CDC73: variants seen among roughly 807,000 people sequenced by gnomAD.
The protein encoded by CDC73 is cell division cycle 73, also known as parafibromin.
In CDC73, 21 loss-of-function variants were observed where a neutral mutation model predicts 83.7. The ratio of observed to expected loss-of-function variants is 0.25; its 90% CI spans 0.18 to 0.36. CDC73 has a LOEUF of 0.36. Among genes scored for constraint, CDC73 ranks in the 10% least tolerant of loss-of-function variants. CDC73 has a pLI of 1.00. For missense variants in CDC73, 342 were observed against 653.3 expected (o/e 0.52, Z 5.19); for synonymous variants, 224 against 212.9 (o/e 1.05, Z -0.45).
In CDC73 at chr1:193,158,310, T is replaced by A. The variant is rs557815613; in HGVS notation, c.972+5866T>A. Among the ~76,000 whole-genome samples, 10 of 152,182 alleles carry A rather than the reference T, an allele frequency of 6.6e-5. No individual in the cohort carries two copies. In the East Asian group the frequency reaches 1.7e-3, roughly 26 times the overall value. On this transcript the variant is annotated intron_variant, in intron 10 of 16. Coordinates refer to ENST00000367435, the MANE Select transcript of CDC73 (RefSeq NM_024529.5). Reference sequence around the variant, plus strand: ...GAGGGTAATAACTAGGTTGGCCTTTTCCATCCATCTGTTAGGACTCATACT... The same window carrying A: ...GAGGGTAATAACTAGGTTGGCCTTTACCATCCATCTGTTAGGACTCATACT...
chr1:193,189,330 A>G (rs557919896), intron 10 of CDC73, among the ~76,000 whole-genome samples: 6 of 152,226 alleles, frequency 3.9e-5, no homozygotes, highest in Admixed American at 6.5e-5. Flanking sequence ...GATGTGAGAT[A>G]AAAGTTCCTT....
intron 13 of CDC73, among the ~76,000 whole-genome samples, chr1:193,214,721 A>G (rs552855307): frequency 5.9e-5 from 9 of 152,322 alleles, no homozygotes; most frequent in African/African-American, 1.9e-4. Flanking sequence ...TCCTCAGAAA[A>G]TAAGAAAAAA....
At chr1:193,215,236 GTATA>G (rs1396436097) in intron 13 of CDC73, among the ~76,000 whole-genome samples, 3 of 152,282 alleles carry the variant, frequency 2.0e-5, no homozygotes, top group Admixed American at 2.0e-4. Context: ...TAGTGAGAAT[GTATA>G]TAATAGTGAT....
At chr1:193,156,188 G>A (rs1163644159) in intron 10 of CDC73, among the ~76,000 whole-genome samples, 1 of 152,164 alleles carries the variant, frequency 6.6e-6, no homozygotes, top group Non-Finnish European at 1.5e-5. Flanking sequence ...ATAATCAGAT[G>A]GTGATCACAG....
chr1:193,167,647 C>A (rs1318383666), intron 10 of CDC73, among the ~76,000 whole-genome samples: 1 of 152,130 alleles, frequency 6.6e-6, no homozygotes, highest in African/African-American at 2.4e-5. Flanking sequence ...ATTTGCTTCA[C>A]AGCCTAATTT....
intron 10 of CDC73, among the ~76,000 whole-genome samples, chr1:193,155,642 T>G (rs1181476994): frequency 6.6e-6 from 1 of 152,056 alleles, no homozygotes; most frequent in African/African-American, 2.4e-5. Context: ...CAGGATGTGA[T>G]GACGTGTGCA....
intron 2 of CDC73, among the ~76,000 whole-genome samples, chr1:193,129,803 G>A (rs541752109): frequency 4.6e-5 from 7 of 152,172 alleles, no homozygotes; most frequent in African/African-American, 7.2e-5. Context: ...GTGAGCCACC[G>A]CGCCCAGCCA....
At chr1:193,176,199 T>G (rs190137872) in intron 10 of CDC73, among the ~76,000 whole-genome samples, 290 of 152,370 alleles carry the variant, frequency 1.9e-3, no homozygotes, top group Non-Finnish European at 2.9e-3. Context: ...TGGTTACTTT[T>G]GGGGCTGTGT....
chr1:193,218,314 A>G (rs146836748), intron 13 of CDC73, among the ~76,000 whole-genome samples: 295 of 152,362 alleles, frequency 1.9e-3, no homozygotes, highest in Non-Finnish European at 2.9e-3. Context: ...GGAAGAATCA[A>G]TATTGTTAAA....
intron 3 of CDC73, 57 bp downstream of exon 3, chr1:193,130,300 T>C (rs1675672645): frequency 9.5e-7 from 1 of 1,047,272 alleles, no homozygotes; most frequent in South Asian, 1.3e-5. Flanking sequence ...TTTTTTCCCC[T>C]ATGAAATAAT....
intron 10 of CDC73, among the ~76,000 whole-genome samples, chr1:193,182,471 T>C (rs1177473155): frequency 6.6e-6 from 1 of 152,140 alleles, no homozygotes. Context: ...TGGTTGAGTC[T>C]CCATGTTAGA....
intron 10 of CDC73, among the ~76,000 whole-genome samples, chr1:193,196,021 T>C (rs1200046740): frequency 2.6e-5 from 4 of 152,218 alleles, no homozygotes; most frequent in African/African-American, 9.6e-5. Context: ...TTTGTTTCTT[T>C]TTCCGTTGTC....
At chr1:193,122,373 G>T in intron 1 of CDC73, 42 bp downstream of exon 1, 1 of 1,613,438 alleles carries the variant, frequency 6.2e-7, no homozygotes, top group South Asian at 1.1e-5. Flanking sequence ...GCAGGGCAGA[G>T]TTGGGCGCCC....
intron 10 of CDC73, among the ~76,000 whole-genome samples, chr1:193,175,007 C>T (rs2103152642): frequency 6.6e-6 from 1 of 151,974 alleles, no homozygotes; most frequent in African/African-American, 2.4e-5. Flanking sequence ...TTAAATAAGT[C>T]TCGAGGGAGA....
rs10921320 is a variant in CDC73 at position 193,150,315 on chromosome 1, G to A, written c.840G>A (p.Leu280=). 2.6e-5 allele frequency: 42 copies of A among 1,610,182 alleles called. No individual in the cohort carries two copies. The highest frequency in any genetic ancestry group is 2.3e-4 in the African/African-American group (17 of 74,932). ...APNAAPVDPT[L]RTKQPIPAAY... ...TAATTTTTTTACAGGATCCCACTTT[G>A]CGCACCAAACAGCCTATCCCAGCTG... Residue 280 remains leucine (L), a synonymous_variant, in exon 9 of 17, where the codon TTG becomes TTA. Transcript: ENST00000367435.
chr1:193,150,357 T>C lies in CDC73; in HGVS notation c.882T>C (p.Asp294=), dbSNP rs112540003. The part of the protein sequence containing the change: ...QPIPAAYNRY[D]QERFKGKEET... ...TCCCAGCTGCCTATAACAGATACGA[T>C]CAGGAAAGATTCAAAGGAAAAGAAG... Residue 294 remains aspartate, a synonymous_variant, in exon 9 of 17, where the codon GAT becomes GAC. Coordinates refer to ENST00000367435, the MANE Select transcript of CDC73 (RefSeq NM_024529.5). 8 of 1,612,894 alleles carry C rather than the reference T, an allele frequency of 5.0e-6. No individual in the cohort carries two copies. In the African/African-American group the frequency reaches 6.7e-5, roughly 13 times the overall value.
chr1:193,187,342 C>T (rs1035784589), intron 10 of CDC73, among the ~76,000 whole-genome samples: 3 of 152,020 alleles, frequency 2.0e-5, no homozygotes, highest in African/African-American at 7.2e-5. Flanking sequence ...ATATAGCACA[C>T]TTGTACAGGA....
At chr1:193,201,090 C>T (rs1033521610) in intron 10 of CDC73, among the ~76,000 whole-genome samples, 2 of 151,332 alleles carry the variant, frequency 1.3e-5, no homozygotes, top group Non-Finnish European at 2.9e-5. Flanking sequence ...TGTGTATTGG[C>T]GGGGGTGGGT....
intron 10 of CDC73, among the ~76,000 whole-genome samples, chr1:193,184,276 AT>A (rs1015132094): frequency 1.3e-5 from 2 of 151,864 alleles, no homozygotes; most frequent in African/African-American, 2.4e-5. Flanking sequence ...GGTCTTATAA[AT>A]TTTTTTGTTA....
Sources: allele counts gnomAD v4.1 joint callset (sites outside exome capture counted in the v4.1 genomes callset), GRCh38; gene constraint gnomAD v4.1.1; transcripts MANE v1.5; gene names NCBI Gene and HGNC (gene_info 2026-07-23, HGNC 2026-07-21).